NUB1: variants seen among roughly 807,000 people sequenced by gnomAD.
NUB1 encodes the protein negative regulator of ubiquitin like proteins 1.
NUB1 carries 41 observed loss-of-function variants against 77.1 expected under a neutral mutation model. That is an observed-to-expected ratio of 0.53 (90% CI 0.41 to 0.69). The LOEUF (loss-of-function observed/expected upper bound fraction) is 0.69, where lower values mean the gene tolerates loss of function less well. Ranked by LOEUF, NUB1 falls within the 30% of genes least tolerant of loss-of-function variation. The probability of loss-of-function intolerance (pLI) is 0.00; values close to 1 mark genes in which losing one functional copy is unlikely to be tolerated. For synonymous variants in NUB1, 257 were observed against 281.0 expected (o/e 0.91, Z 0.85); for missense variants, 643 against 743.8 (o/e 0.86, Z 1.58).
intron 5 of NUB1, among the ~76,000 whole-genome samples, chr7:151,354,168 C>T (rs948222411): frequency 6.6e-6 from 1 of 152,016 alleles, no homozygotes; most frequent in Non-Finnish European, 1.5e-5. Context: ...CTATATAATT[C>T]ATTAAATAGT....
chr7:151,351,554 G>A (rs1796796676), intron 4 of NUB1, 72 bp downstream of exon 4: 1 of 1,109,698 alleles, frequency 9.0e-7, no homozygotes, highest in Admixed American at 2.3e-5. Flanking sequence ...TCCTCTGTGA[G>A]CGTCCTCTTA....
At chr7:151,345,098 A>G (rs1301426730) in intron 1 of NUB1, among the ~76,000 whole-genome samples, 1 of 152,098 alleles carries the variant, frequency 6.6e-6, no homozygotes, top group African/African-American at 2.4e-5. Flanking sequence ...AAATAGAAAC[A>G]TGTAATAATC....
Position 151,367,028 on chromosome 7 carries a change from T to C in NUB1, c.890T>C (p.Leu297Pro). The change falls in exon 9 of 15, where the codon CTG becomes CCG. Residue 297 changes from leucine (L) to proline (P), a missense_variant. Transcript: ENST00000568733. ...IVWCYFRLEQLECLDDAEKKL... is the reference protein window; with the variant it reads ...IVWCYFRLEQPECLDDAEKKL... ...TGGTGTTACTTCCGCCTGGAACAGC[T>C]GGAATGCCTTGATGATGCAGAAAAA... 1 of 1,613,866 alleles carries C rather than the reference T, an allele frequency of 6.2e-7. No homozygotes were observed. The highest frequency in any genetic ancestry group is 8.5e-7 in the Non-Finnish European group (1 of 1,179,756).
At chr7:151,370,955 G>GC (rs1797931631) in intron 11 of NUB1, among the ~76,000 whole-genome samples, 1 of 152,106 alleles carries the variant, frequency 6.6e-6, no homozygotes, top group Non-Finnish European at 1.5e-5. Flanking sequence ...ATTCACTTCT[G>GC]CCTGTGACCA....
intron 8 of NUB1, among the ~76,000 whole-genome samples, chr7:151,361,546 T>C (rs569555629): frequency 3.3e-5 from 5 of 152,372 alleles, no homozygotes; most frequent in Admixed American, 3.3e-4. Context: ...GATGCAGACA[T>C]ATTCAACATT....
At chr7:151,350,966 A>G (rs1796765970) in intron 3 of NUB1, among the ~76,000 whole-genome samples, 2 of 152,182 alleles carry the variant, frequency 1.3e-5, no homozygotes, top group Admixed American at 1.3e-4. Flanking sequence ...GCACCTGAAA[A>G]CATGATGCTC....
At chr7:151,345,317 G>A (rs779485979) in intron 1 of NUB1, 31 bp from the exon 2 acceptor site, 1 of 1,359,628 alleles carries the variant, frequency 7.4e-7, no homozygotes, top group Non-Finnish European at 1.0e-6. Context: ...ATGCGATGTG[G>A]AGTTTTATTA....
chr7:151,343,504 A>G (rs1040677708), intron 1 of NUB1, among the ~76,000 whole-genome samples: 28 of 151,982 alleles, frequency 1.8e-4, no homozygotes, highest in African/African-American at 6.3e-4. Flanking sequence ...TATTTTTTCC[A>G]CTCTCTAGAA....
At chr7:151,374,652 C>A (rs79418595) in intron 12 of NUB1, 5,983 of 224,886 alleles carry the variant, frequency 0.027, 367 homozygotes, top group African/African-American at 0.13. Context: ...TTTAGTCCAT[C>A]GTACATGTTG....
Position 151,351,447 on chromosome 7 carries a change from C to G in NUB1, c.309C>G (p.Thr103=). Residue 103 remains threonine (T), a synonymous_variant, in exon 4 of 15, where the codon ACC becomes ACG. Transcript: ENST00000568733. ...LKKDRKNLLE[T]RLHITGRELR... ...AGGATAGGAAAAACTTGTTGGAGAC[C>G]CGATTGCACATCACTGGCAGAGAAC... is the stretch of plus-strand genomic sequence containing the variant. The G allele has an allele frequency of 6.2e-7, 1 of 1,612,930 alleles. No individual in the cohort carries two copies. Among genetic ancestry groups the G allele is most frequent in the Non-Finnish European group, 8.5e-7 (1 of 1,179,280 alleles).
intron 11 of NUB1, 143 bp from the exon 12 acceptor site, chr7:151,373,954 G>A: frequency 1.2e-6 from 1 of 839,846 alleles, no homozygotes; most frequent in East Asian, 2.7e-5. Flanking sequence ...GCTGGGTGAG[G>A]AGAGGTAGAA....
At chr7:151,358,029 G>A (rs898990877) in intron 7 of NUB1, among the ~76,000 whole-genome samples, 3 of 152,102 alleles carry the variant, frequency 2.0e-5, no homozygotes, top group Non-Finnish European at 4.4e-5. Flanking sequence ...AGGCTAGAGT[G>A]CAGTGGCACA....
rs200906783 is a variant in NUB1, at chr7:151,355,877, G to A, written c.525G>A (p.Glu175=). The A allele has an allele frequency of 6.8e-4, 1,093 of 1,613,630 alleles. No individual in the cohort carries two copies. Among genetic ancestry groups the A allele is most frequent in the Non-Finnish European group, 8.9e-4 (1,045 of 1,179,808 alleles). Residue 175 remains glutamate (E), a synonymous_variant, in exon 6 of 15, where the codon GAG becomes GAA. Transcript: ENST00000568733. ...AAAACTTCCAGTTAGAGGAAGAGGA[G>A]CAAAATGAGGCCAAACTCAAAGAAA... The part of the protein sequence containing the change: ...ARKNFQLEEE[E]QNEAKLKEKQ...
At chr7:151,352,701 C>T in intron 4 of NUB1, 111 bp from the exon 5 acceptor site, 1 of 685,044 alleles carries the variant, frequency 1.5e-6, no homozygotes, top group Non-Finnish European at 2.6e-6. Flanking sequence ...CCTTGGCCTC[C>T]CAGGGTGTTG....
rs148825297 is a variant in NUB1 at position 151,354,437 on chromosome 7, G to A, written c.416-1331G>A. The stretch of plus-strand genomic sequence containing the variant: ...AGAAAAAAATCCAGCTAGTTTTCCA[G>A]AAATGTGTTCACATTTGTGTTTTTT... On this transcript the variant is annotated intron_variant, in intron 5 of 14. Coordinates refer to ENST00000568733, the MANE Select transcript of NUB1 (RefSeq NM_001243351.2). 2.2e-3 allele frequency among the ~76,000 whole-genome samples: 336 copies of A among 151,688 alleles called. 1 individual carries two copies. The highest frequency in any genetic ancestry group is 7.7e-3 in the African/African-American group (319 of 41,358).
rs941494150 is a variant in NUB1 at position 151,351,668 on chromosome 7, G to A, written c.344+186G>A. 5.3e-5 allele frequency among the ~76,000 whole-genome samples: 8 copies of A among 152,136 alleles called. No individual in the cohort carries two copies. The East Asian group carries it at 1.2e-3, about 22-fold the overall frequency. On this transcript the variant is annotated intron_variant, in intron 4 of 14. Transcript: ENST00000568733. ...GTCACTGGTAGGTAAGTGGCAAAGTGAGGACTCAAGACTTGCAAGCACTAT... is the reference window on the plus strand; with the variant it reads ...GTCACTGGTAGGTAAGTGGCAAAGTAAGGACTCAAGACTTGCAAGCACTAT...
At chr7:151,368,416 G>C (rs1033417563) in intron 10 of NUB1, among the ~76,000 whole-genome samples, 1 of 152,228 alleles carries the variant, frequency 6.6e-6, no homozygotes, top group Admixed American at 6.5e-5. Context: ...ACACCCAGCT[G>C]CAAGGGAGGG....
chr7:151,366,609 G>A (rs940273398), intron 8 of NUB1, among the ~76,000 whole-genome samples: 1 of 152,208 alleles, frequency 6.6e-6, no homozygotes, highest in Non-Finnish European at 1.5e-5. Context: ...TTTAAAGCAT[G>A]GTCTTCCCCG....
chr7:151,364,780 T>G (rs529738715), intron 8 of NUB1, among the ~76,000 whole-genome samples: 9 of 152,280 alleles, frequency 5.9e-5, no homozygotes, highest in Non-Finnish European at 1.2e-4. Flanking sequence ...CCTCCCAAAG[T>G]GCTGGGATTA....
Sources: gnomAD v4.1 joint callset for allele counts (sites outside exome capture counted in the v4.1 genomes callset) on GRCh38, gnomAD v4.1.1 for gene constraint, MANE v1.5 for transcripts, NCBI Gene and HGNC (gene_info 2026-07-23, HGNC 2026-07-21) for gene names.